CPZ: variants seen among roughly 807,000 people sequenced by gnomAD.
CPZ encodes the protein VEZT/CPZ fusion.
In CPZ, 103 loss-of-function variants were observed where a neutral mutation model predicts 61.8. That is an observed-to-expected ratio of 1.67 (90% CI 1.42 to 1.96). The LOEUF (loss-of-function observed/expected upper bound fraction) is 1.96, where lower values mean the gene tolerates loss of function less well. Ranked by LOEUF, CPZ falls within the 30% of genes most tolerant of loss-of-function variation. The pLI is 0.00. For missense variants in CPZ, 1,461 were observed against 914.9 expected (o/e 1.60, Z -7.70); for synonymous variants, 551 against 373.7 (o/e 1.47, Z -5.47).
chr4:8,609,342 C>T (rs1715442912), intron 7 of CPZ, among the ~76,000 whole-genome samples: 1 of 152,188 alleles, frequency 6.6e-6, no homozygotes, highest in Admixed American at 6.5e-5. Flanking sequence ...TTCACTCACT[C>T]ATTCTCTCAT....
chr4:8,605,942 A>AC (rs746945166), intron 4 of CPZ, 47 bp from the exon 5 acceptor site: 4 of 1,576,960 alleles, frequency 2.5e-6, no homozygotes, highest in African/African-American at 2.7e-5. Context: ...GCCTTTGGGG[A>AC]CCCCCGGCTT....
intron 9 of CPZ, chr4:8,618,142 T>G: frequency 2.4e-6 from 1 of 419,792 alleles, no homozygotes; most frequent in Admixed American, 4.0e-5. Context: ...AAGGGTTCTC[T>G]GCTCAATGCC....
chr4:8,619,161 G>A (rs1466208738), intron 10 of CPZ, 101 bp from the exon 11 acceptor site: 4 of 1,022,790 alleles, frequency 3.9e-6, no homozygotes, highest in African/African-American at 1.6e-5. Flanking sequence ...TTTGGCGCCT[G>A]CCTCCCATGC....
rs200412441 is a variant in CPZ, at chr4:8,606,784, C to G, written c.954C>G (p.Asn318Lys). Residue 318 changes from asparagine (N) to lysine (K), a missense_variant, in exon 6 of 11, where the codon AAC becomes AAG. Physicochemically the swap from Asn to Lys is moderately conservative, Grantham distance 94. Coordinates refer to ENST00000360986, the MANE Select transcript of CPZ (RefSeq NM_001014447.3). ...CGAGCGGGAGGCAGAACGCGCAGAA[C>G]CTGGATCTGAACCGAAATTTCCCGG... ...GWTSGRQNAQ[N>K]LDLNRNFPDL... 6 of 1,614,192 alleles carry G rather than the reference C, an allele frequency of 3.7e-6. No individual in the cohort carries two copies. Among genetic ancestry groups the G allele is most frequent in the Admixed American group, 1.7e-5 (1 of 60,032 alleles).
chr4:8,617,954 G>A (rs536851922), intron 9 of CPZ: 27 of 168,404 alleles, frequency 1.6e-4, no homozygotes, highest in South Asian at 1.2e-3. Flanking sequence ...AAGGCAGGGC[G>A]TGTTATACAC....
intron 3 of CPZ, 56 bp downstream of exon 3, chr4:8,601,553 A>G: frequency 1.4e-6 from 2 of 1,410,600 alleles, no homozygotes; most frequent in South Asian, 3.2e-5. Context: ...GTCAAGGAGG[A>G]CCAAGAGCCA....
At chr4:8,607,058 G>C (rs954245395) in intron 6 of CPZ, among the ~76,000 whole-genome samples, 160 bp downstream of exon 6, 1 of 152,190 alleles carries the variant, frequency 6.6e-6, no homozygotes, top group Non-Finnish European at 1.5e-5. Flanking sequence ...CTCCTTGCTG[G>C]GGTGTTGGTG....
chr4:8,601,148 G>T lies in CPZ; in HGVS notation c.147G>T (p.Arg49Ser), dbSNP rs1161044185. ...CCACCTGCGTGGACCTGCAGCTCAGGACCTGCAGCGATGCCGCCTACAACC... is the reference window on the plus strand; with the variant it reads ...CCACCTGCGTGGACCTGCAGCTCAGTACCTGCAGCGATGCCGCCTACAACC... ...DSATCVDLQL[R>S]TCSDAAYNHT... The change falls in exon 3 of 11, where the codon AGG becomes AGT. Residue 49 changes from arginine (R) to serine (S), a missense_variant. By Grantham distance (110) the Arg-to-Ser change is moderately radical (BLOSUM62 -1). Transcript: ENST00000360986. 1.1e-5 allele frequency: 18 copies of T among 1,590,192 alleles called. No homozygotes were observed. The South Asian group carries it at 1.7e-4, about 15-fold the overall frequency.
chr4:8,616,884 G>A (rs1462992795), intron 9 of CPZ, among the ~76,000 whole-genome samples: 1 of 152,256 alleles, frequency 6.6e-6, no homozygotes, highest in East Asian at 1.9e-4. Context: ...ACGAGCCCCA[G>A]AGGGCAGGGG....
At position 8,612,106 on chromosome 4, in the gene CPZ, A is replaced by T; in HGVS notation, c.1307A>T (p.Asn436Ile). The change falls in exon 8 of 11, where the codon AAT becomes ATT. Residue 436 changes from asparagine to isoleucine, a missense_variant. Physicochemically the swap from Asn to Ile is moderately radical, Grantham distance 149. Transcript: ENST00000360986. ...MDRSENRCGG[N>I]FLKRGSIING... ...AGGTCGGAGAATAGGTGTGGAGGCAATTTCCTGAAGAGGGGGAGCATCATC... is the reference window on the plus strand; with the variant it reads ...AGGTCGGAGAATAGGTGTGGAGGCATTTTCCTGAAGAGGGGGAGCATCATC... 3 of 1,581,720 alleles carry T rather than the reference A, an allele frequency of 1.9e-6. No homozygotes were observed. The highest frequency in any genetic ancestry group is 1.7e-6 in the Non-Finnish European group (2 of 1,159,690).
rs755709351 is a variant in CPZ, at chr4:8,601,495, G to T, written c.494G>T (p.Arg165Leu). ...EGCYDPLEKL[R>L]GGLEADEALP... Reference sequence around the variant, plus strand: ...TGCTATGACCCGCTGGAGAAGCTTCGGGGTAAGGGAAAGTGGCGGGGGCCT... The same window carrying T: ...TGCTATGACCCGCTGGAGAAGCTTCTGGGTAAGGGAAAGTGGCGGGGGCCT... Residue 165 changes from arginine to leucine, a missense_variant and splice_region_variant, in exon 3 of 11, where the codon CGG (arginine) becomes CTG (leucine). By Grantham distance (102) the Arg-to-Leu change is moderately radical. Transcript: ENST00000360986. 7 of 1,470,864 alleles carry T rather than the reference G, an allele frequency of 4.8e-6. No individual in the cohort carries two copies. Among genetic ancestry groups the T allele is most frequent in the South Asian group, 4.2e-5 (3 of 71,754 alleles). 91.1% of individuals were successfully genotyped at this position (1,470,864 alleles called of 1,614,324 possible). A position where few individuals can be genotyped will look rare whatever the true frequency, so the allele number is the denominator to read the frequency against.
intron 3 of CPZ, chr4:8,603,655 G>T: frequency 2.6e-6 from 1 of 391,020 alleles, no homozygotes; most frequent in Non-Finnish European, 4.6e-6. Context: ...GTTTGCCTTG[G>T]GGGGTCCAGG....
At chr4:8,607,122 G>T (rs544926957) in intron 6 of CPZ, 145 bp from the exon 7 acceptor site, 5 of 1,108,474 alleles carry the variant, frequency 4.5e-6, no homozygotes, top group South Asian at 1.6e-5. Context: ...GCCCAGTGAT[G>T]GGGGCCGAGT....
At chr4:8,607,184 C>G in intron 6 of CPZ, 83 bp from the exon 7 acceptor site, 1 of 1,488,268 alleles carries the variant, frequency 6.7e-7, no homozygotes. Flanking sequence ...CATTGGAGCC[C>G]AGAGGGCTGC....
At chr4:8,613,176 G>T (rs1487000928) in intron 8 of CPZ, among the ~76,000 whole-genome samples, 1 of 146,618 alleles carries the variant, frequency 6.8e-6, no homozygotes, top group Non-Finnish European at 1.5e-5. Context: ...TCTGTCACCA[G>T]GCTGGAGCAC....
intron 8 of CPZ, 57 bp from the exon 9 acceptor site, chr4:8,614,302 C>T (rs1388608709): frequency 8.9e-6 from 14 of 1,577,256 alleles, no homozygotes; most frequent in Non-Finnish European, 1.1e-5. Flanking sequence ...CCCCTGACGT[C>T]CCGGCTGTCT....
At chr4:8,611,007 C>T (rs199938736) in intron 7 of CPZ, among the ~76,000 whole-genome samples, 3 of 94,022 alleles carry the variant, frequency 3.2e-5, no homozygotes, top group South Asian at 5.4e-4. Context: ...CACTCATTCA[C>T]TCACTCATTC....
chr4:8,603,785 A>C, intron 3 of CPZ, 191 bp from the exon 4 acceptor site: 1 of 613,678 alleles, frequency 1.6e-6, no homozygotes, highest in South Asian at 1.9e-5. Context: ...TGCTGTGTAC[A>C]TACCTCAGGT....
chr4:8,607,771 G>C (rs1297271176), intron 7 of CPZ, among the ~76,000 whole-genome samples: 1 of 152,168 alleles, frequency 6.6e-6, no homozygotes, highest in East Asian at 1.9e-4. Flanking sequence ...TCCCACCGCA[G>C]AGGGGTGCGT....
Sources: gnomAD v4.1 joint callset for allele counts (sites outside exome capture counted in the v4.1 genomes callset) on GRCh38, gnomAD v4.1.1 for gene constraint, MANE v1.5 for transcripts, NCBI Gene and HGNC (gene_info 2026-07-23, HGNC 2026-07-21) for gene names.